Variants in CPNE5 observed in about 807,000 individuals in gnomAD.
CPNE5 encodes copine 5, also known as copine-5.
In CPNE5, 42 loss-of-function variants were observed where a neutral mutation model predicts 81.1. The observed-to-expected ratio is 0.52, with a 90% confidence interval of 0.40 to 0.67. The LOEUF is 0.67. Ranked by LOEUF, CPNE5 falls within the 30% of genes least tolerant of loss-of-function variation. The pLI, the probability that CPNE5 is intolerant of heterozygous loss-of-function variation, is 0.00. For missense variants in CPNE5, 612 were observed against 815.5 expected, an observed-to-expected ratio of 0.75 and a Z score of 3.04; for synonymous variants, 313 against 321.5, an observed-to-expected ratio of 0.97 and a Z score of 0.28.
chr6:36,801,796 C>A (rs1443868839), intron 3 of CPNE5, among the ~76,000 whole-genome samples: 1 of 151,984 alleles, frequency 6.6e-6, no homozygotes, highest in Non-Finnish European at 1.5e-5. Flanking sequence ...TGACCAGGGG[C>A]AGGGTGGAGG....
At position 36,742,284 on chromosome 6, in the gene CPNE5, A is replaced by AG; in HGVS notation, c.1765dup (p.Leu589ProfsTer54). ...AGACCAGGTTCAGATGTGCGTGTGC[A>AG]GGGGGGACGCAGGGGGCGTGCGGGC... On this transcript the variant is annotated frameshift_variant, in exon 21 of 21. Transcript: ENST00000244751. LOFTEE classifies it high-confidence loss of function. 2 of 1,593,334 alleles carry AG rather than the reference A, an allele frequency of 1.3e-6. No individual in the cohort carries two copies. Among genetic ancestry groups the AG allele is most frequent in the Non-Finnish European group, 8.5e-7 (1 of 1,171,986 alleles).
intron 10 of CPNE5, among the ~76,000 whole-genome samples, chr6:36,770,739 G>T (rs1766972001): frequency 6.6e-6 from 1 of 152,070 alleles, no homozygotes; most frequent in African/African-American, 2.4e-5. Context: ...GCGGTGCCTG[G>T]TCCACAGCTG....
At chr6:36,770,699 G>T (rs1333916812) in intron 10 of CPNE5, among the ~76,000 whole-genome samples, 1 of 152,024 alleles carries the variant, frequency 6.6e-6, no homozygotes. Flanking sequence ...CCCTCCTGGA[G>T]ACCCTAGACT....
intron 12 of CPNE5, 59 bp from the exon 13 acceptor site, chr6:36,756,357 G>A (rs1765464950): frequency 6.8e-7 from 1 of 1,477,440 alleles, no homozygotes; most frequent in Non-Finnish European, 9.4e-7. Flanking sequence ...GGTGAGTCTT[G>A]AGGGCTTCCA....
chr6:36,750,549 C>A (rs931433524), intron 14 of CPNE5, among the ~76,000 whole-genome samples: 7 of 152,204 alleles, frequency 4.6e-5, no homozygotes, highest in Admixed American at 2.0e-4. Flanking sequence ...ATCTCCCCAC[C>A]CAACCCTGCC....
chr6:36,790,191 T>C (rs1049985063), intron 8 of CPNE5, among the ~76,000 whole-genome samples: 4 of 152,222 alleles, frequency 2.6e-5, no homozygotes, highest in African/African-American at 9.7e-5. Flanking sequence ...ATTCATCAGA[T>C]GTTATAACAC....
chr6:36,750,138 C>A (rs1352996710), intron 14 of CPNE5, among the ~76,000 whole-genome samples: 4 of 152,198 alleles, frequency 2.6e-5, no homozygotes, highest in African/African-American at 9.6e-5. Flanking sequence ...GCTGGGATAA[C>A]GCTGGGGAAA....
chr6:36,822,097 GA>G lies in CPNE5; in HGVS notation c.183+16del. ...GAACAGGCTGGTGTTTCTGGTGTGG[GA>G]AGGAGCTGCACCTACCTCCCGCCAC... On this transcript the variant is annotated intron_variant, in intron 3 of 20. Transcript: ENST00000244751. The G allele has an allele frequency of 6.5e-7, 1 of 1,527,954 alleles. No individual in the cohort carries two copies. Among genetic ancestry groups the G allele is most frequent in the Non-Finnish European group, 8.8e-7 (1 of 1,130,738 alleles). The allele number at this position is 1,527,954 out of a possible 1,614,324, so 94.6% of individuals were successfully genotyped here.
rs556081593 is a variant in CPNE5, at chr6:36,837,234, G to C, written c.95+2049C>G. Among the ~76,000 whole-genome samples the C allele has an allele frequency of 1.8e-4, 27 of 152,346 alleles. 1 individual carries two copies. The South Asian group carries it at 5.2e-3, about 29-fold the overall frequency. On this transcript the variant is annotated intron_variant, in intron 1 of 20. Transcript: ENST00000244751. ...AAGTTAATTCCTCCAACAGTATTTG[G>C]CAAGTGCCAGGCACTGCTCTAAGCA...
chr6:36,818,147 C>G (rs1470507887), intron 3 of CPNE5, among the ~76,000 whole-genome samples: 2 of 152,172 alleles, frequency 1.3e-5, no homozygotes, highest in South Asian at 2.1e-4. Flanking sequence ...CAACCCATAT[C>G]TCCTCTGTTC....
chr6:36,750,764 G>T (rs1218010931), intron 14 of CPNE5, among the ~76,000 whole-genome samples: 2 of 152,226 alleles, frequency 1.3e-5, no homozygotes, highest in Non-Finnish European at 2.9e-5. Flanking sequence ...TTGGGAAGAT[G>T]ATTCTGGCCT....
At chr6:36,756,428 G>A (rs1330591943) in intron 12 of CPNE5, 130 bp from the exon 13 acceptor site, 2 of 700,102 alleles carry the variant, frequency 2.9e-6, no homozygotes, top group East Asian at 2.7e-5. Flanking sequence ...AAGACCACGG[G>A]GCCAGGGGAG....
chr6:36,787,849 G>A (rs1402262517), intron 8 of CPNE5, among the ~76,000 whole-genome samples: 1 of 151,990 alleles, frequency 6.6e-6, no homozygotes, highest in African/African-American at 2.4e-5. Flanking sequence ...TGGCTGGGAC[G>A]GCCAGTCAGG....
At chr6:36,768,378 C>T (rs1048070265) in intron 10 of CPNE5, among the ~76,000 whole-genome samples, 5 of 151,808 alleles carry the variant, frequency 3.3e-5, no homozygotes, top group Admixed American at 2.0e-4. Context: ...ATTACAGGCG[C>T]ATGCCATCAT....
At chr6:36,832,951 CT>C (rs1554129870) in intron 1 of CPNE5, among the ~76,000 whole-genome samples, 1 of 152,196 alleles carries the variant, frequency 6.6e-6, no homozygotes, top group Non-Finnish European at 1.5e-5. Context: ...CATCCTGTGA[CT>C]TTTTGTGGTT....
At chr6:36,801,596 T>G (rs1255600174) in intron 3 of CPNE5, among the ~76,000 whole-genome samples, 1 of 152,210 alleles carries the variant, frequency 6.6e-6, no homozygotes, top group Admixed American at 6.5e-5. Flanking sequence ...TTAAACCCAC[T>G]GCATTTACAA....
intron 3 of CPNE5, among the ~76,000 whole-genome samples, chr6:36,804,790 A>G (rs1366348973): frequency 1.3e-5 from 2 of 152,082 alleles, no homozygotes; most frequent in Non-Finnish European, 1.5e-5. Context: ...CTAAGAAGAC[A>G]ATGGAGTTCC....
At chr6:36,758,794 C>G (rs567621891) in intron 12 of CPNE5, among the ~76,000 whole-genome samples, 1 of 152,054 alleles carries the variant, frequency 6.6e-6, no homozygotes, top group Non-Finnish European at 1.5e-5. Context: ...GGGAAGTTCA[C>G]GTGGGAGGTC....
chr6:36,794,996 G>A (rs1487608158), intron 6 of CPNE5, among the ~76,000 whole-genome samples: 1 of 152,094 alleles, frequency 6.6e-6, no homozygotes, highest in Non-Finnish European at 1.5e-5. Flanking sequence ...TGCAGCTTGG[G>A]AACCCCTGTT....
Sources: allele counts gnomAD v4.1 joint callset (sites outside exome capture counted in the v4.1 genomes callset), GRCh38; gene constraint gnomAD v4.1.1; transcripts MANE v1.5; gene names NCBI Gene and HGNC (gene_info 2026-07-23, HGNC 2026-07-21).